Variants in TRIM24 observed in about 807,000 individuals in gnomAD.
TRIM24 encodes the protein tripartite motif containing 24, also known as transcription intermediary factor 1-alpha.
In TRIM24, 29 loss-of-function variants were observed where a neutral mutation model predicts 123.9. The ratio of observed to expected loss-of-function variants is 0.23; its 90% CI spans 0.17 to 0.32. The LOEUF (loss-of-function observed/expected upper bound fraction) is 0.32, where lower values mean the gene tolerates loss of function less well. Among genes scored for constraint, TRIM24 ranks in the 10% least tolerant of loss-of-function variants. The pLI, the probability that TRIM24 is intolerant of heterozygous loss-of-function variation, is 1.00. For missense variants in TRIM24, 932 were observed against 1,295.3 expected (o/e 0.72, Z 4.31); for synonymous variants, 456 against 461.1 (o/e 0.99, Z 0.14).
chr7:138,577,522 G>A lies in TRIM24; in HGVS notation c.2190G>A (p.Pro730=), dbSNP rs755302611. Residue 730 remains proline, a synonymous_variant, in exon 14 of 19, where the codon CCG becomes CCA. Coordinates refer to ENST00000343526, the MANE Select transcript of TRIM24 (RefSeq NM_015905.3). The stretch of plus-strand genomic sequence containing the variant: ...TAAAACAAGAAAACAGTGGACCACC[G>A]GAAAATTATGATTTCCCTGTTGTTA... ...IRIKQENSGP[P]ENYDFPVVIV... is the part of the protein sequence containing the mutation. The A allele has an allele frequency of 2.5e-5, 41 of 1,611,094 alleles. No individual in the cohort carries two copies. The East Asian group carries it at 6.3e-4, about 25-fold the overall frequency.
chr7:138,559,508 C>T (rs1797382428), intron 9 of TRIM24, among the ~76,000 whole-genome samples: 1 of 152,224 alleles, frequency 6.6e-6, no homozygotes, highest in Admixed American at 6.5e-5. Context: ...ACCACATTTA[C>T]TTCCCTGATG....
intron 8 of TRIM24, among the ~76,000 whole-genome samples, chr7:138,551,827 A>G (rs1359921856): frequency 6.6e-6 from 1 of 152,188 alleles, no homozygotes; most frequent in Non-Finnish European, 1.5e-5. Context: ...CAACTATTCA[A>G]TAGGAACTTA....
chr7:138,499,590 T>G (rs1165017695), intron 1 of TRIM24, among the ~76,000 whole-genome samples: 1 of 152,132 alleles, frequency 6.6e-6, no homozygotes, highest in East Asian at 1.9e-4. Flanking sequence ...GCTAAAGCAT[T>G]GGAGGACATC....
In TRIM24 at chr7:138,505,509, G is replaced by GGTTGTT. The variant is rs59585473; in HGVS notation, c.483+1142_483+1147dup. Among the ~76,000 whole-genome samples, 1,421 of 143,906 alleles carry GGTTGTT rather than the reference G, an allele frequency of 9.9e-3. 8 individuals carry two copies. Among genetic ancestry groups the GGTTGTT allele is most frequent in the South Asian group, 0.013 (55 of 4,324 alleles). The allele number at this position is 143,906 out of a possible 152,430, so 94.4% of individuals were successfully genotyped here. A position where few individuals can be genotyped will look rare whatever the true frequency, so the allele number is the denominator to read the frequency against. On this transcript the variant is annotated intron_variant, in intron 2 of 18. Coordinates refer to ENST00000343526, the MANE Select transcript of TRIM24 (RefSeq NM_015905.3). ...GCTTCATTTGTTTTTTGGGGGTGGTGGTTGTTGTTGTTGTTGTTGTTGTTG... is the reference window on the plus strand; with the variant it reads ...GCTTCATTTGTTTTTTGGGGGTGGTGGTTGTTGTTGTTGTTGTTGTTGTTGTTGTTG...
At chr7:138,577,385 C>CTT in intron 13 of TRIM24, 35 bp from the exon 14 acceptor site, 1 of 1,462,294 alleles carries the variant, frequency 6.8e-7, no homozygotes, top group Non-Finnish European at 9.1e-7. Context: ...GCTTAACATT[C>CTT]TTAGATTGCT....
intron 1 of TRIM24, among the ~76,000 whole-genome samples, chr7:138,484,635 C>T (rs931894715): frequency 2.6e-5 from 4 of 151,922 alleles, no homozygotes; most frequent in Admixed American, 2.6e-4. Context: ...ATTACCTTGG[C>T]CTGTGGTTTT....
intron 1 of TRIM24, among the ~76,000 whole-genome samples, chr7:138,491,622 C>T (rs116876449): frequency 0.013 from 2,024 of 152,212 alleles, 24 homozygotes; most frequent in Middle Eastern, 0.044. Flanking sequence ...TTAGCTCTTA[C>T]GAATAATACT....
rs1798019873 is a variant in TRIM24 at position 138,586,376 on chromosome 7, A to G, written c.*1425A>G. The G allele has an allele frequency of 6.5e-6, 1 of 153,470 alleles. No individual in the cohort carries two copies. The highest frequency in any genetic ancestry group is 6.4e-5 in the Admixed American group (1 of 15,514). 9.5% of individuals were successfully genotyped at this position (153,470 alleles called of 1,614,324 possible). A position where few individuals can be genotyped will look rare whatever the true frequency, so the allele number is the denominator to read the frequency against. ...ATTTGCATTATATCACCTGCCATAA[A>G]TTTAACATAGAAGACTTGGTTTTAT... On this transcript the variant is annotated 3_prime_UTR_variant, in exon 19 of 19. Coordinates refer to ENST00000343526, the MANE Select transcript of TRIM24 (RefSeq NM_015905.3).
intron 1 of TRIM24, among the ~76,000 whole-genome samples, chr7:138,463,049 T>TTG (rs1231067406): frequency 4.7e-5 from 6 of 126,636 alleles, no homozygotes; most frequent in African/African-American, 1.4e-4. Flanking sequence ...TTGTGTTTTT[T>TTG]TTTTTTTTTT....
At chr7:138,493,722 T>G (rs1241374053) in intron 1 of TRIM24, among the ~76,000 whole-genome samples, 1 of 152,142 alleles carries the variant, frequency 6.6e-6, no homozygotes, top group Non-Finnish European at 1.5e-5. Context: ...TACTGTTCAC[T>G]ATAGCAACAG....
At chr7:138,584,111 C>A in intron 18 of TRIM24, 112 bp downstream of exon 18, 1 of 1,262,658 alleles carries the variant, frequency 7.9e-7, no homozygotes, top group Non-Finnish European at 1.1e-6. Context: ...GAATAAATTT[C>A]CAACTTTTCA....
At chr7:138,545,970 A>C (rs184926302) in intron 7 of TRIM24, among the ~76,000 whole-genome samples, 2 of 152,374 alleles carry the variant, frequency 1.3e-5, no homozygotes, top group Admixed American at 6.5e-5. Flanking sequence ...TAACAAAACT[A>C]AAAGTTATAG....
intron 1 of TRIM24, among the ~76,000 whole-genome samples, chr7:138,466,182 A>C (rs1795132293): frequency 6.6e-6 from 1 of 152,126 alleles, no homozygotes; most frequent in Non-Finnish European, 1.5e-5. Flanking sequence ...TTTAGTAGAG[A>C]CAGGGTTTCA....
chr7:138,554,834 T>G lies in TRIM24; in HGVS notation c.1398T>G (p.Ala466=), dbSNP rs1224030458. The change falls in exon 9 of 19, where the codon GCT becomes GCG. Residue 466 remains alanine (A), a synonymous_variant. Transcript: ENST00000343526. The surrounding 1 kb of genome is among the most constrained non-coding windows in gnomAD (Gnocchi z 4.5). ...AGTTCCCAACACAGATCAGCCTAGC[T>G]CAATTACGGCTCCAGCATATGCAGC... The part of the protein sequence containing the change: ...LSKFPTQISL[A]QLRLQHMQQQ... 1.9e-6 allele frequency: 3 copies of G among 1,614,054 alleles called. No individual in the cohort carries two copies. The African/African-American group carries it at 4.0e-5, about 22-fold the overall frequency.
At chr7:138,492,750 A>C (rs192581990) in intron 1 of TRIM24, among the ~76,000 whole-genome samples, 1 of 152,176 alleles carries the variant, frequency 6.6e-6, no homozygotes, top group African/African-American at 2.4e-5. Context: ...CAGTAACAAG[A>C]TCTGAGTTTA....
intron 6 of TRIM24, among the ~76,000 whole-genome samples, chr7:138,537,987 T>C (rs936106082): frequency 1.3e-5 from 2 of 152,228 alleles, no homozygotes; most frequent in Non-Finnish European, 2.9e-5. Context: ...TTCAGTGTGC[T>C]CTACTTTTGA....
chr7:138,509,384 T>A (rs544654486), intron 2 of TRIM24, among the ~76,000 whole-genome samples: 15 of 148,986 alleles, frequency 1.0e-4, no homozygotes, highest in African/African-American at 3.2e-4. Flanking sequence ...CTTGGTGCAA[T>A]TAGGAATCAT....
chr7:138,523,465 G>A (rs1265077355), intron 4 of TRIM24, among the ~76,000 whole-genome samples: 1 of 152,106 alleles, frequency 6.6e-6, no homozygotes, highest in African/African-American at 2.4e-5. Context: ...GGCAAAAATA[G>A]CCCCTTTTGG....
At chr7:138,512,219 A>G (rs926806612) in intron 2 of TRIM24, among the ~76,000 whole-genome samples, 26 of 152,150 alleles carry the variant, frequency 1.7e-4, no homozygotes, top group Non-Finnish European at 7.4e-5. Flanking sequence ...AGCTGCTCTC[A>G]TAGGTTGCTC....
Sources: allele counts gnomAD v4.1 joint callset (sites outside exome capture counted in the v4.1 genomes callset), GRCh38; gene constraint gnomAD v4.1.1; non-coding constraint Gnocchi (gnomAD v3.1); transcripts MANE v1.5; gene names NCBI Gene and HGNC (gene_info 2026-07-23, HGNC 2026-07-21).